SERPINH1: variants seen among roughly 807,000 people sequenced by gnomAD.
The protein encoded by SERPINH1 is serpin H1.
SERPINH1 carries 22 observed loss-of-function variants against 32.3 expected under a neutral mutation model. The observed-to-expected ratio is 0.68, with a 90% CI of 0.49 to 0.97. SERPINH1 has a LOEUF of 0.97. SERPINH1 is among the 50% of genes least tolerant of loss of function. The pLI is 0.00. For missense variants in SERPINH1, 543 were observed against 576.4 expected (o/e 0.94, Z 0.59); for synonymous variants, 251 against 245.9 (o/e 1.02, Z -0.19).
chr11:75,570,600 C>T (rs757426631), intron 4 of SERPINH1, among the ~76,000 whole-genome samples: 34 of 152,188 alleles, frequency 2.2e-4, no homozygotes, highest in Non-Finnish European at 4.3e-4. Flanking sequence ...GAATGCCTGT[C>T]TCATGACCCC....
Position 75,566,409 on chromosome 11 carries a change from G to C in SERPINH1, c.60G>C (p.Glu20Asp). ...FCLLEAALAA[E>D]VKKPAAAAAP... ...TCCTGGAGGCGGCCCTGGCCGCCGA[G>C]GTGAAGAAACCTGCAGCCGCAGCAG... The change falls in exon 2 of 5, where the codon GAG becomes GAC. Residue 20 changes from glutamate (E) to aspartate (D), a missense_variant. This residue lies in a region of SERPINH1 where 109 missense variants were observed against 102.4 expected (regional missense o/e 1.06). Transcript: ENST00000358171. The C allele has an allele frequency of 6.2e-7, 1 of 1,611,378 alleles. No individual in the cohort carries two copies. Among genetic ancestry groups the C allele is most frequent in the Non-Finnish European group, 8.5e-7 (1 of 1,179,470 alleles).
rs889360312 is a variant in SERPINH1 at position 75,566,421 on chromosome 11, TGCAGCC to T, written c.78_83del (p.Ala28_Ala29del). On this transcript the variant is annotated inframe_deletion, in exon 2 of 5. Coordinates refer to ENST00000358171, the MANE Select transcript of SERPINH1 (RefSeq NM_001235.5). ...CCCTGGCCGCCGAGGTGAAGAAACC[TGCAGCC>T]GCAGCAGCTCCTGGCACTGCGGAGA... 6.2e-7 allele frequency: 1 copy of T among 1,611,484 alleles called. No individual in the cohort carries two copies. The highest frequency in any genetic ancestry group is 8.5e-7 in the Non-Finnish European group (1 of 1,179,566).
chr11:75,566,908 G>T lies in SERPINH1; in HGVS notation c.559G>T (p.Glu187Ter). ...AAQTTDGKLP[E>*]VTKDVERTDG... ...GCAGACCACCGACGGCAAGCTGCCC[G>T]AGGTCACCAAGGACGTGGAGCGCAC... is the stretch of plus-strand genomic sequence containing the variant. The change falls in exon 2 of 5, where the codon GAG (glutamate) becomes TAG (stop). Residue 187 changes from glutamate (E) to a stop codon, truncating the protein, a stop_gained. Coordinates refer to ENST00000358171, the MANE Select transcript of SERPINH1 (RefSeq NM_001235.5). LOFTEE classifies it high-confidence loss of function. 1 of 1,607,994 alleles carries T rather than the reference G, an allele frequency of 6.2e-7. No homozygotes were observed.
At chr11:75,568,241 A>G in intron 2 of SERPINH1, 1 of 220,798 alleles carries the variant, frequency 4.5e-6, no homozygotes, top group Non-Finnish European at 9.2e-6. Flanking sequence ...GTGTGTCATG[A>G]TTGTACCACT....
intron 2 of SERPINH1, 76 bp from the exon 3 acceptor site, chr11:75,568,655 C>A (rs953020582): frequency 1.6e-5 from 15 of 938,958 alleles, no homozygotes; most frequent in Non-Finnish European, 2.1e-5. Context: ...GGTCTGCAGC[C>A]GGGGGTGGCT....
rs1413894809 is a variant in SERPINH1 at position 75,569,151 on chromosome 11, G to A, written c.934G>A (p.Glu312Lys). ...CATCTCCTTGCCCAAGGGTGTGGTG[G>A]AGGTGACCCATGACCTGCAGGTAAG... Reference protein sequence around the residue: ...VAISLPKGVVEVTHDLQKHLA... With the variant: ...VAISLPKGVVKVTHDLQKHLA... Residue 312 changes from glutamate (E) to lysine (K), a missense_variant, in exon 4 of 5, where the codon GAG (glutamate) becomes AAG (lysine). This residue lies in a region of SERPINH1 where 427 missense variants were observed against 446.4 expected (regional missense o/e 0.96). Transcript: ENST00000358171. 2 of 1,611,554 alleles carry A rather than the reference G, an allele frequency of 1.2e-6. No homozygotes were observed. The highest frequency in any genetic ancestry group is 1.7e-6 in the Non-Finnish European group (2 of 1,178,732).
At chr11:75,568,297 G>C in intron 2 of SERPINH1, 1 of 198,826 alleles carries the variant, frequency 5.0e-6, no homozygotes. Context: ...GTCTCAAAAA[G>C]AAAAAGATAA....
intron 4 of SERPINH1, 157 bp downstream of exon 4, chr11:75,569,328 G>A: frequency 3.2e-6 from 2 of 621,808 alleles, no homozygotes; most frequent in Non-Finnish European, 5.7e-6. Flanking sequence ...AGGAGGTGTG[G>A]GCCATGCCCT....
chr11:75,568,813 G>C lies in SERPINH1; in HGVS notation c.705G>C (p.Met235Ile), dbSNP rs764058290. 7 of 1,613,414 alleles carry C rather than the reference G, an allele frequency of 4.3e-6. No homozygotes were observed. The highest frequency in any genetic ancestry group is 2.7e-5 in the African/African-American group (2 of 75,000). Residue 235 changes from methionine (M) to isoleucine (I), a missense_variant, in exon 3 of 5, where the codon ATG becomes ATC. Physicochemically the swap from Met to Ile is conservative, Grantham distance 10. Coordinates refer to ENST00000358171, the MANE Select transcript of SERPINH1 (RefSeq NM_001235.5). The stretch of plus-strand genomic sequence containing the variant: ...CTCGGTCCTATACCGTGGGTGTCAT[G>C]ATGATGCACCGGACAGGTAGGTGCT... Reference protein sequence around the residue: ...MVTRSYTVGVMMMHRTGLYNY... With the variant: ...MVTRSYTVGVIMMHRTGLYNY...
intron 1 of SERPINH1, among the ~76,000 whole-genome samples, chr11:75,565,664 G>A (rs1466583245): frequency 6.6e-6 from 1 of 152,192 alleles, no homozygotes; most frequent in Non-Finnish European, 1.5e-5. Flanking sequence ...GCAAAGTGGA[G>A]CATCTTGGCT....
chr11:75,569,202 G>A, intron 4 of SERPINH1, 31 bp downstream of exon 4: 1 of 1,530,734 alleles, frequency 6.5e-7, no homozygotes, highest in South Asian at 1.2e-5. Flanking sequence ...GGGGCCTGCA[G>A]GCCTTGGAGC....
chr11:75,563,019 C>A (rs915598397), intron 1 of SERPINH1: 10 of 152,288 alleles, frequency 6.6e-5, no homozygotes, highest in African/African-American at 2.4e-4. Context: ...GAGTGGGGGT[C>A]AGCAGGGTCT....
At position 75,571,778 on chromosome 11, in the gene SERPINH1, C is replaced by T. The variant is rs756802890; in HGVS notation, c.955-3C>T. 9 of 1,613,250 alleles carry T rather than the reference C, an allele frequency of 5.6e-6. No homozygotes were observed. The highest frequency in any genetic ancestry group is 2.7e-5 in the African/African-American group (2 of 74,894). Reference sequence around the variant, plus strand: ...CACCTGGCACACCTCCTTGTTCCCACAGAAACACCTGGCTGGGCTGGGCCT... The same window carrying T: ...CACCTGGCACACCTCCTTGTTCCCATAGAAACACCTGGCTGGGCTGGGCCT... On this transcript the variant is annotated splice_region_variant and splice_polypyrimidine_tract_variant and intron_variant, in intron 4 of 4. Coordinates refer to ENST00000358171, the MANE Select transcript of SERPINH1 (RefSeq NM_001235.5).
chr11:75,563,001 A>G (rs1942005138), intron 1 of SERPINH1: 1 of 151,992 alleles, frequency 6.6e-6, no homozygotes, highest in East Asian at 1.9e-4. Context: ...TACCACTCCG[A>G]AAAAAGAGAG....
At chr11:75,568,322 G>A (rs938556819) in intron 2 of SERPINH1, 13 of 295,514 alleles carry the variant, frequency 4.4e-5, no homozygotes, top group South Asian at 4.4e-4. Context: ...AAAATTAAGG[G>A]TGGTCATGGG....
At position 75,568,832 on chromosome 11, in the gene SERPINH1, A is replaced by G; in HGVS notation, c.721+3A>G. On this transcript the variant is annotated splice_donor_region_variant and intron_variant, in intron 3 of 4. Coordinates refer to ENST00000358171, the MANE Select transcript of SERPINH1 (RefSeq NM_001235.5). Reference sequence around the variant, plus strand: ...TGTCATGATGATGCACCGGACAGGTAGGTGCTGTGAGGAGCAGGGTGTCAA... The same window carrying G: ...TGTCATGATGATGCACCGGACAGGTGGGTGCTGTGAGGAGCAGGGTGTCAA... 3.7e-6 allele frequency: 6 copies of G among 1,611,650 alleles called. No homozygotes were observed. The highest frequency in any genetic ancestry group is 5.1e-6 in the Non-Finnish European group (6 of 1,177,722).
In SERPINH1 at chr11:75,566,399, T is replaced by A; in HGVS notation, c.50T>A (p.Leu17Gln). 1 of 1,610,650 alleles carries A rather than the reference T, an allele frequency of 6.2e-7. No homozygotes were observed. Among genetic ancestry groups the A allele is most frequent in the Non-Finnish European group, 8.5e-7 (1 of 1,179,146 alleles). The stretch of plus-strand genomic sequence containing the variant: ...GCCTTCTGCCTCCTGGAGGCGGCCC[T>A]GGCCGCCGAGGTGAAGAAACCTGCA... The part of the protein sequence containing the change: ...LSAFCLLEAA[L>Q]AAEVKKPAAA... Residue 17 changes from leucine (L) to glutamine (Q), a missense_variant, in exon 2 of 5, where the codon CTG becomes CAG. By Grantham distance (113) the Leu-to-Gln change is moderately radical. Coordinates refer to ENST00000358171, the MANE Select transcript of SERPINH1 (RefSeq NM_001235.5).
At chr11:75,564,433 G>C (rs1172355916) in intron 1 of SERPINH1, among the ~76,000 whole-genome samples, 1 of 152,226 alleles carries the variant, frequency 6.6e-6, no homozygotes, top group African/African-American at 2.4e-5. Flanking sequence ...AAGGAAGGCT[G>C]TTGGCCTCTG....
In SERPINH1 at chr11:75,568,956, G is replaced by A. The variant is rs753734711; in HGVS notation, c.739G>A (p.Asp247Asn). Residue 247 changes from aspartate to asparagine, a missense_variant, in exon 4 of 5, where the codon GAC becomes AAC. Transcript: ENST00000358171. Reference protein sequence around the residue: ...MHRTGLYNYYDDEKEKLQIVE... With the variant: ...MHRTGLYNYYNDEKEKLQIVE... ...TCTCCCAGGCCTCTACAACTACTAC[G>A]ACGACGAGAAGGAAAAGCTGCAAAT... 25 of 1,613,816 alleles carry A rather than the reference G, an allele frequency of 1.5e-5. No individual in the cohort carries two copies. Among genetic ancestry groups the A allele is most frequent in the Non-Finnish European group, 2.1e-5 (25 of 1,180,020 alleles).
Sources: gnomAD v4.1 joint callset for allele counts (sites outside exome capture counted in the v4.1 genomes callset) on GRCh38, gnomAD v4.1.1 for gene constraint, gnomAD v4.1.1 regional missense constraint, MANE v1.5 for transcripts, NCBI Gene and HGNC (gene_info 2026-07-23, HGNC 2026-07-21) for gene names.